The following TTC13 variants were observed in gnomAD, a reference collection of about 807,000 sequenced individuals.
TTC13 encodes the protein tetratricopeptide repeat protein 13.
TTC13 carries 62 observed loss-of-function variants against 120.0 expected under a neutral mutation model. That is an observed-to-expected ratio of 0.52 (90% CI 0.42 to 0.64). The LOEUF is 0.64. TTC13 is among the 30% of genes least tolerant of loss of function. The pLI is 0.00. For synonymous variants in TTC13, 384 were observed against 393.5 expected, an observed-to-expected ratio of 0.98 and a Z score of 0.28; for missense variants, 824 against 1,050.2, an observed-to-expected ratio of 0.78 and a Z score of 2.98.
At chr1:230,956,237 G>A (rs1481856250) in intron 3 of TTC13, among the ~76,000 whole-genome samples, 4 of 152,228 alleles carry the variant, frequency 2.6e-5, no homozygotes, top group East Asian at 3.8e-4. Flanking sequence ...AGCCCGGTAC[G>A]CTGAGAAAAT....
intron 12 of TTC13, 64 bp from the exon 13 acceptor site, chr1:230,925,711 C>G: frequency 6.3e-7 from 1 of 1,580,694 alleles, no homozygotes; most frequent in Non-Finnish European, 8.7e-7. Context: ...TCCAATTCCA[C>G]CTGAGAAGCA....
chr1:230,939,512 TG>T lies in TTC13; in HGVS notation c.790-17del, dbSNP rs756066850. The T allele has an allele frequency of 5.2e-6, 8 of 1,529,216 alleles. No individual in the cohort carries two copies. The highest frequency in any genetic ancestry group is 1.2e-5 in the South Asian group (1 of 84,630). 94.7% of individuals were successfully genotyped at this position (1,529,216 alleles called of 1,614,324 possible). The stretch of plus-strand genomic sequence containing the variant: ...TTGCATAGTCCTACAAAAAGGAGAG[TG>T]GGGGGAAAAATAAAATAGTATTCAT... On this transcript the variant is annotated splice_polypyrimidine_tract_variant and intron_variant, in intron 7 of 22. Transcript: ENST00000366661.
intron 1 of TTC13, among the ~76,000 whole-genome samples, chr1:230,972,384 A>G (rs981123495): frequency 6.6e-6 from 1 of 152,248 alleles, no homozygotes; most frequent in African/African-American, 2.4e-5. Context: ...GTATTTTGAT[A>G]AAAAAGTAAA....
At position 230,978,598 on chromosome 1, in the gene TTC13, G is replaced by T. The variant is rs1479449135; in HGVS notation, c.233C>A (p.Ser78Tyr). The change falls in exon 1 of 23, where the codon TCC becomes TAC. Residue 78 changes from serine to tyrosine, a missense_variant. By Grantham distance (144) the Ser-to-Tyr change is moderately radical (BLOSUM62 -2). Transcript: ENST00000366661. The surrounding 1 kb of genome is among the most constrained non-coding windows in gnomAD (Gnocchi z 5.6). ...PAGGGGCSPQSGDWGDQYSAE... is the reference protein window; with the variant it reads ...PAGGGGCSPQYGDWGDQYSAE... Reference sequence around the variant, plus strand: ...AGAGTACTGGTCCCCCCAGTCCCCGGACTGCGGGCTGCAGCCGCCGCCGCC... The same window carrying T: ...AGAGTACTGGTCCCCCCAGTCCCCGTACTGCGGGCTGCAGCCGCCGCCGCC... 2.1e-6 allele frequency: 3 copies of T among 1,413,020 alleles called. No homozygotes were observed. In the Admixed American group the frequency reaches 7.5e-5, roughly 35 times the overall value. The allele number at this position is 1,413,020 out of a possible 1,614,324, so 87.5% of individuals were successfully genotyped here.
At chr1:230,936,797 C>G (rs1050157004) in intron 8 of TTC13, among the ~76,000 whole-genome samples, 6 of 151,714 alleles carry the variant, frequency 4.0e-5, no homozygotes, top group African/African-American at 1.5e-4. Context: ...TAATACTTGT[C>G]TCTGCGGTTA....
In TTC13 at chr1:230,911,459, A is replaced by T. The variant is rs747003518; in HGVS notation, c.2309+11T>A. 16 of 1,547,068 alleles carry T rather than the reference A, an allele frequency of 1.0e-5. No homozygotes were observed. The highest frequency in any genetic ancestry group is 1.4e-5 in the African/African-American group (1 of 72,132). ...AATTTAAAATAATTTTAATGACAGG[A>T]TATTACTTACCTGGATCCTCGAGAG... On this transcript the variant is annotated intron_variant, in intron 20 of 22. Transcript: ENST00000366661.
chr1:230,975,795 CA>C (rs2103019473), intron 1 of TTC13, among the ~76,000 whole-genome samples: 1 of 152,302 alleles, frequency 6.6e-6, no homozygotes, highest in South Asian at 2.1e-4. Context: ...CCATGCCTGT[CA>C]CTTCTGCAGT....
chr1:230,941,619 G>T (rs1247472382), intron 6 of TTC13, among the ~76,000 whole-genome samples: 1 of 152,130 alleles, frequency 6.6e-6, no homozygotes, highest in East Asian at 1.9e-4. Context: ...ATCCTTATTA[G>T]ACAGGTTATT....
chr1:230,926,382 G>A (rs1452855216), intron 12 of TTC13, among the ~76,000 whole-genome samples: 5 of 152,092 alleles, frequency 3.3e-5, no homozygotes, highest in East Asian at 1.9e-4. Context: ...TTGCGAACAC[G>A]TGTAAAATGC....
At chr1:230,931,509 T>C in intron 10 of TTC13, 37 bp from the exon 11 acceptor site, 1 of 1,603,572 alleles carries the variant, frequency 6.2e-7, no homozygotes, top group Non-Finnish European at 8.5e-7. Context: ...CAACACAGTT[T>C]AGGAAAACTT....
intron 2 of TTC13, 113 bp from the exon 3 acceptor site, chr1:230,958,412 G>A (rs1373238448): frequency 8.0e-7 from 1 of 1,249,302 alleles, no homozygotes; most frequent in Non-Finnish European, 1.1e-6. Context: ...TGATTTAAGT[G>A]GAAGCAAGAA....
At chr1:230,943,284 A>C (rs1211423285) in intron 6 of TTC13, among the ~76,000 whole-genome samples, 1 of 151,896 alleles carries the variant, frequency 6.6e-6, no homozygotes, top group East Asian at 1.9e-4. Flanking sequence ...GTTTTAGGGT[A>C]CATGTGCACA....
In TTC13 at chr1:230,940,269, G is replaced by A. The variant is rs1033078285; in HGVS notation, c.789+171C>T. ...CAAGAAAATGTTTTTAGTACTTAATGTTCTCCACTGGGTTTAATTTCAGCT... is the reference window on the plus strand; with the variant it reads ...CAAGAAAATGTTTTTAGTACTTAATATTCTCCACTGGGTTTAATTTCAGCT... On this transcript the variant is annotated intron_variant, in intron 7 of 22. Coordinates refer to ENST00000366661, the MANE Select transcript of TTC13 (RefSeq NM_024525.5). The surrounding 1 kb of genome is among the most constrained non-coding windows in gnomAD (Gnocchi z 4.1). Among the ~76,000 whole-genome samples the A allele has an allele frequency of 6.6e-6, 1 of 152,114 alleles. No homozygotes were observed. The highest frequency in any genetic ancestry group is 1.5e-5 in the Non-Finnish European group (1 of 68,014).
At chr1:230,943,729 A>G (rs1349251889) in intron 6 of TTC13, 77 bp downstream of exon 6, 2 of 1,224,364 alleles carry the variant, frequency 1.6e-6, no homozygotes, top group Admixed American at 4.6e-5. Flanking sequence ...AAAATTTACA[A>G]ATAATAAAGT....
At chr1:230,970,892 G>A (rs1174349462) in intron 1 of TTC13, among the ~76,000 whole-genome samples, 4 of 152,184 alleles carry the variant, frequency 2.6e-5, no homozygotes, top group African/African-American at 9.6e-5. Flanking sequence ...CTTAAAAGTA[G>A]AGTGCCAGAT....
intron 22 of TTC13, among the ~76,000 whole-genome samples, chr1:230,907,292 T>C (rs1222190658): frequency 6.6e-6 from 1 of 152,208 alleles, no homozygotes; most frequent in Non-Finnish European, 1.5e-5. Flanking sequence ...CTGTGGTGCA[T>C]GCTGGGCTTG....
At chr1:230,959,573 G>T (rs1034867733) in intron 2 of TTC13, among the ~76,000 whole-genome samples, 3 of 152,132 alleles carry the variant, frequency 2.0e-5, no homozygotes, top group Non-Finnish European at 4.4e-5. Context: ...TAGAGACGGG[G>T]TTTCTCCATG....
At chr1:230,975,211 GA>G (rs112878803) in intron 1 of TTC13, among the ~76,000 whole-genome samples, 3,776 of 138,194 alleles carry the variant, frequency 0.027, 147 homozygotes, top group African/African-American at 0.09. Flanking sequence ...TGTCTCTACA[GA>G]AAAAAAAAAA....
At chr1:230,928,542 T>G (rs1441617436) in intron 12 of TTC13, among the ~76,000 whole-genome samples, 1 of 152,194 alleles carries the variant, frequency 6.6e-6, no homozygotes, top group African/African-American at 2.4e-5. Flanking sequence ...AGCTTTCTAT[T>G]TTCCTTTCTA....
Sources: allele counts gnomAD v4.1 joint callset (sites outside exome capture counted in the v4.1 genomes callset), GRCh38; gene constraint gnomAD v4.1.1; non-coding constraint Gnocchi (gnomAD v3.1); transcripts MANE v1.5; gene names NCBI Gene and HGNC (gene_info 2026-07-23, HGNC 2026-07-21).